Variants in DYNC1I1 observed in about 807,000 individuals in gnomAD.
DYNC1I1 encodes cytoplasmic dynein 1 intermediate chain 1.
A neutral mutation model predicts 86.6 loss-of-function variants in DYNC1I1; 43 were observed. The ratio of observed to expected loss-of-function variants is 0.50; its 90% CI spans 0.39 to 0.64. DYNC1I1 has a LOEUF of 0.64. Among genes scored for constraint, DYNC1I1 ranks in the 30% least tolerant of loss-of-function variants. The probability of loss-of-function intolerance (pLI) is 0.00; values close to 1 mark genes in which losing one functional copy is unlikely to be tolerated. For synonymous variants in DYNC1I1, 262 were observed against 283.7 expected (o/e 0.92, Z 0.77); for missense variants, 604 against 788.8 (o/e 0.77, Z 2.81).
chr7:95,928,721 T>C (rs541168909), intron 6 of DYNC1I1, among the ~76,000 whole-genome samples: 1 of 152,294 alleles, frequency 6.6e-6, no homozygotes, highest in African/African-American at 2.4e-5. Flanking sequence ...TACTGGGAAA[T>C]GATTTCAACT....
At chr7:96,043,080 A>T (rs1789101910) in intron 14 of DYNC1I1, among the ~76,000 whole-genome samples, 2 of 151,798 alleles carry the variant, frequency 1.3e-5, no homozygotes, top group Admixed American at 6.6e-5. Flanking sequence ...GAGTCAGGAG[A>T]ATCACTTGAA....
In DYNC1I1 at chr7:95,834,714, C is replaced by T. The variant is rs201018857; in HGVS notation, c.374+6598C>T. ...TTTAGTCTTGGGAGAGTGTATGTGT[C>T]GAGGAATTTATCCATTTCTTCTAGA... is the stretch of plus-strand genomic sequence containing the variant. On this transcript the variant is annotated intron_variant, in intron 5 of 16. Coordinates refer to ENST00000447467, the MANE Select transcript of DYNC1I1 (RefSeq NM_001135556.2). 1.3e-4 allele frequency among the ~76,000 whole-genome samples: 14 copies of T among 107,244 alleles called. No individual in the cohort carries two copies. The East Asian group carries it at 3.1e-3, about 24-fold the overall frequency. 70.4% of individuals were successfully genotyped at this position (107,244 alleles called of 152,430 possible).
chr7:96,078,610 T>A (rs1178876160), intron 15 of DYNC1I1, among the ~76,000 whole-genome samples: 1 of 152,154 alleles, frequency 6.6e-6, no homozygotes, highest in Non-Finnish European at 1.5e-5. Context: ...TAGGTATTAT[T>A]TTAAATGTGT....
chr7:95,952,858 A>G (rs1256947750), intron 6 of DYNC1I1, among the ~76,000 whole-genome samples: 1 of 151,784 alleles, frequency 6.6e-6, no homozygotes, highest in Non-Finnish European at 1.5e-5. Context: ...GACTTGCTTC[A>G]GTGTGTGGCT....
At chr7:95,870,889 T>C (rs531092374) in intron 6 of DYNC1I1, among the ~76,000 whole-genome samples, 8 of 151,676 alleles carry the variant, frequency 5.3e-5, no homozygotes, top group African/African-American at 1.9e-4. Context: ...AACGTTGTTA[T>C]AGCAAAGCAA....
At chr7:95,823,299 G>A (rs1191444875) in intron 4 of DYNC1I1, among the ~76,000 whole-genome samples, 1 of 152,140 alleles carries the variant, frequency 6.6e-6, no homozygotes, top group East Asian at 1.9e-4. Flanking sequence ...TCCCTGCTGT[G>A]ACTTCCAAAG....
At chr7:96,025,247 G>A (rs1794649069) in intron 10 of DYNC1I1, among the ~76,000 whole-genome samples, 1 of 152,122 alleles carries the variant, frequency 6.6e-6, no homozygotes, top group Admixed American at 6.6e-5. Flanking sequence ...AGTGCATAGT[G>A]TGGTGTACCC....
At chr7:96,047,796 A>T (rs1188601522) in intron 14 of DYNC1I1, among the ~76,000 whole-genome samples, 1 of 152,178 alleles carries the variant, frequency 6.6e-6, no homozygotes, top group Non-Finnish European at 1.5e-5. Flanking sequence ...TGTATGGTTT[A>T]AAAAATGGAG....
chr7:95,983,791 C>T (rs1396031062), intron 7 of DYNC1I1, among the ~76,000 whole-genome samples: 1 of 152,130 alleles, frequency 6.6e-6, no homozygotes, highest in Non-Finnish European at 1.5e-5. Flanking sequence ...GAGGCTCCAC[C>T]TGTGATTGTA....
chr7:95,853,708 C>A (rs1039569461), intron 5 of DYNC1I1, among the ~76,000 whole-genome samples: 1 of 152,094 alleles, frequency 6.6e-6, no homozygotes, highest in Non-Finnish European at 1.5e-5. Context: ...CCTTATGTGT[C>A]TTTATTGATT....
intron 5 of DYNC1I1, 47 bp downstream of exon 5, chr7:95,828,163 A>G (rs541933552): frequency 3.1e-6 from 5 of 1,605,134 alleles, no homozygotes; most frequent in African/African-American, 2.7e-5. Flanking sequence ...TCTTTGCTAC[A>G]GTTGTGTTGA....
At chr7:96,033,977 T>A (rs1262938137) in intron 12 of DYNC1I1, among the ~76,000 whole-genome samples, 1 of 152,068 alleles carries the variant, frequency 6.6e-6, no homozygotes, top group Non-Finnish European at 1.5e-5. Flanking sequence ...ACCACTGCAC[T>A]CCAGTCTGGG....
At chr7:95,825,167 C>T (rs895661572) in intron 4 of DYNC1I1, among the ~76,000 whole-genome samples, 6 of 152,070 alleles carry the variant, frequency 3.9e-5, no homozygotes, top group South Asian at 4.1e-4. Context: ...TTTTTCTGGC[C>T]GAGTAAATGC....
chr7:95,960,088 T>C (rs1488736007), intron 6 of DYNC1I1, among the ~76,000 whole-genome samples: 1 of 152,126 alleles, frequency 6.6e-6, no homozygotes, highest in Non-Finnish European at 1.5e-5. Context: ...TTTTGTGAAA[T>C]GAGAAAATGC....
intron 1 of DYNC1I1, among the ~76,000 whole-genome samples, chr7:95,774,859 C>T (rs1159659742): frequency 3.3e-5 from 5 of 152,136 alleles, no homozygotes; most frequent in Admixed American, 6.5e-5. Flanking sequence ...CAGTGTGCAC[C>T]GGCTTCATCC....
chr7:95,897,121 T>C (rs1413924439), intron 6 of DYNC1I1, among the ~76,000 whole-genome samples: 2 of 152,070 alleles, frequency 1.3e-5, no homozygotes, highest in Admixed American at 6.5e-5. Context: ...TTTAATTGGG[T>C]GAGGAAAAGT....
chr7:96,004,927 T>A (rs544460563), intron 10 of DYNC1I1, among the ~76,000 whole-genome samples: 1 of 152,326 alleles, frequency 6.6e-6, no homozygotes, highest in East Asian at 1.9e-4. Flanking sequence ...CCCTATCCTG[T>A]CTATCAGAAA....
intron 9 of DYNC1I1, among the ~76,000 whole-genome samples, chr7:95,993,793 T>C (rs1354917708): frequency 6.6e-6 from 1 of 152,172 alleles, no homozygotes; most frequent in East Asian, 1.9e-4. Context: ...AAGATCTGTG[T>C]TCAAATTCAT....
chr7:96,033,686 A>T (rs894714840), intron 12 of DYNC1I1, among the ~76,000 whole-genome samples: 4 of 152,190 alleles, frequency 2.6e-5, no homozygotes, highest in African/African-American at 4.8e-5. Flanking sequence ...TGTCTCTCAC[A>T]CAATTTTAGA....
Sources: gnomAD v4.1 joint callset for allele counts (sites outside exome capture counted in the v4.1 genomes callset) on GRCh38, gnomAD v4.1.1 for gene constraint, MANE v1.5 for transcripts, NCBI Gene and HGNC (gene_info 2026-07-23, HGNC 2026-07-21) for gene names.